NRXN3: variants seen among roughly 807,000 people sequenced by gnomAD.
NRXN3 encodes neurexin 3.
Under a neutral mutation model 137.6 loss-of-function variants are expected in NRXN3, and 32 were observed. The ratio of observed to expected loss-of-function variants is 0.23; its 90% confidence interval spans 0.18 to 0.31. The LOEUF is 0.31. NRXN3 is among the 10% of genes least tolerant of loss of function. The pLI is 1.00. For synonymous variants in NRXN3, 798 were observed against 784.5 expected, an observed-to-expected ratio of 1.02 and a Z score of -0.29; for missense variants, 1,574 against 2,062.5, an observed-to-expected ratio of 0.76 and a Z score of 4.59.
intron 16 of NRXN3, among the ~76,000 whole-genome samples, chr14:79,549,820 A>C (rs745416675): frequency 3.3e-5 from 5 of 152,132 alleles, no homozygotes; most frequent in Non-Finnish European, 7.4e-5. Context: ...ATTGAGCCAC[A>C]TCTGTCTACC....
intron 17 of NRXN3, among the ~76,000 whole-genome samples, chr14:79,668,970 T>G (rs181504680): frequency 2.4e-4 from 37 of 152,236 alleles, no homozygotes; most frequent in African/African-American, 8.9e-4. Flanking sequence ...ATTGAGACTT[T>G]AAAGGATTAA....
At chr14:79,330,474 A>G (rs1487193577) in intron 15 of NRXN3, among the ~76,000 whole-genome samples, 1 of 152,160 alleles carries the variant, frequency 6.6e-6, no homozygotes, top group Non-Finnish European at 1.5e-5. Context: ...TAAAATAACC[A>G]TGAACAGAAA....
At chr14:78,474,161 T>A (rs2366099) in intron 4 of NRXN3, among the ~76,000 whole-genome samples, 151,686 of 152,322 alleles carry the variant, frequency 1, 75,529 homozygotes, top group Middle Eastern at 1. Flanking sequence ...AGAGGACTAA[T>A]TATCATTCAT....
At chr14:78,970,286 G>T (rs959394913) in intron 14 of NRXN3, among the ~76,000 whole-genome samples, 1 of 151,772 alleles carries the variant, frequency 6.6e-6, no homozygotes, top group Admixed American at 6.6e-5. Context: ...ATTTTAAAAA[G>T]GTATAAAGTA....
intron 17 of NRXN3, among the ~76,000 whole-genome samples, chr14:79,666,352 G>T (rs1348554448): frequency 6.6e-6 from 1 of 152,006 alleles, no homozygotes; most frequent in Admixed American, 6.6e-5. Flanking sequence ...GTATAATGCT[G>T]GGACAATTAA....
intron 15 of NRXN3, among the ~76,000 whole-genome samples, chr14:79,045,675 G>A (rs2099631985): frequency 6.6e-6 from 1 of 152,212 alleles, no homozygotes; most frequent in South Asian, 2.1e-4. Context: ...TTGATGCTCA[G>A]AGAATTATGA....
At chr14:78,970,276 A>G (rs925438037) in intron 14 of NRXN3, among the ~76,000 whole-genome samples, 1 of 112,496 alleles carries the variant, frequency 8.9e-6, no homozygotes, top group Non-Finnish European at 1.7e-5. Context: ...TAGTAGCTAC[A>G]TTTTAAAAAG....
intron 17 of NRXN3, among the ~76,000 whole-genome samples, chr14:79,681,743 A>ATT (rs113416580): frequency 6.3e-5 from 9 of 142,672 alleles, no homozygotes; most frequent in South Asian, 4.5e-4. Context: ...GATTGTAGCT[A>ATT]TTTTTTTTTT....
chr14:78,836,074 C>G (rs997171380), intron 10 of NRXN3, among the ~76,000 whole-genome samples: 1 of 152,112 alleles, frequency 6.6e-6, no homozygotes, highest in African/African-American at 2.4e-5. Flanking sequence ...ACAGAATACA[C>G]TGAATCAATT....
At chr14:78,546,193 G>A (rs1251423676) in intron 4 of NRXN3, among the ~76,000 whole-genome samples, 2 of 152,182 alleles carry the variant, frequency 1.3e-5, no homozygotes, top group Non-Finnish European at 2.9e-5. Flanking sequence ...CAATGTATGA[G>A]CACACCCTTT....
intron 15 of NRXN3, among the ~76,000 whole-genome samples, chr14:79,158,608 C>T (rs1017742389): frequency 4.0e-5 from 6 of 151,704 alleles, no homozygotes; most frequent in African/African-American, 1.5e-4. Context: ...CATTGCTCAC[C>T]TTTGAAGATG....
chr14:79,613,624 T>C (rs775428658), intron 16 of NRXN3, among the ~76,000 whole-genome samples: 3 of 152,226 alleles, frequency 2.0e-5, no homozygotes, highest in Non-Finnish European at 4.4e-5. Flanking sequence ...TAAAATTCCA[T>C]GTGACCCAAA....
At chr14:79,375,405 A>G (rs1255860221) in intron 15 of NRXN3, among the ~76,000 whole-genome samples, 6 of 151,462 alleles carry the variant, frequency 4.0e-5, no homozygotes, top group Non-Finnish European at 8.8e-5. Context: ...TAAGGAATGG[A>G]TCGTACATGC....
intron 4 of NRXN3, among the ~76,000 whole-genome samples, chr14:78,351,406 G>A (rs373256404): frequency 6.6e-6 from 1 of 152,170 alleles, no homozygotes; most frequent in Non-Finnish European, 1.5e-5. Context: ...ACATACTGCC[G>A]AAGACTTTCT....
intron 4 of NRXN3, among the ~76,000 whole-genome samples, chr14:78,400,198 A>G (rs2091919948): frequency 6.6e-6 from 1 of 152,232 alleles, no homozygotes; most frequent in Non-Finnish European, 1.5e-5. Flanking sequence ...TAGAAAAAAT[A>G]CAGCAGTCTC....
At chr14:79,269,896 G>C (rs1225172691) in intron 15 of NRXN3, among the ~76,000 whole-genome samples, 2 of 152,108 alleles carry the variant, frequency 1.3e-5, no homozygotes, top group Non-Finnish European at 2.9e-5. Flanking sequence ...TGAAGTCCTA[G>C]TACAACAATA....
intron 15 of NRXN3, among the ~76,000 whole-genome samples, chr14:79,038,465 G>A (rs1372948517): frequency 6.6e-6 from 1 of 152,034 alleles, no homozygotes; most frequent in African/African-American, 2.4e-5. Flanking sequence ...TTTTGAATGT[G>A]GCTATTCAGT....
intron 10 of NRXN3, among the ~76,000 whole-genome samples, chr14:78,876,380 T>G (rs1174050232): frequency 2.0e-5 from 3 of 152,176 alleles, no homozygotes; most frequent in African/African-American, 7.2e-5. Context: ...AAAAGCAGAT[T>G]TCTATTGATT....
intron 10 of NRXN3, among the ~76,000 whole-genome samples, chr14:78,831,743 TCA>T (rs2098982986): frequency 6.6e-6 from 1 of 152,032 alleles, no homozygotes; most frequent in African/African-American, 2.4e-5. Context: ...CCATCACTAT[TCA>T]CAGTTTTTTT....
Sources: allele counts gnomAD v4.1 joint callset (sites outside exome capture counted in the v4.1 genomes callset), GRCh38; gene constraint gnomAD v4.1.1; transcripts MANE v1.5; gene names NCBI Gene and HGNC (gene_info 2026-07-23, HGNC 2026-07-21).